CDH12: variants seen among roughly 807,000 people sequenced by gnomAD.
CDH12 encodes cadherin 12.
CDH12 carries 41 observed loss-of-function variants against 74.1 expected under a neutral mutation model. That is an observed-to-expected ratio of 0.55 (90% CI 0.43 to 0.72). The LOEUF (loss-of-function observed/expected upper bound fraction) is 0.72. Among genes scored for constraint, CDH12 ranks in the 30% least tolerant of loss-of-function variants. The pLI is 0.00. For missense variants in CDH12, 945 were observed against 977.2 expected (o/e 0.97, Z 0.44); for synonymous variants, 399 against 355.0 (o/e 1.12, Z -1.39).
intron 3 of CDH12, among the ~76,000 whole-genome samples, chr5:22,233,831 G>A (rs1299497653): frequency 6.6e-6 from 1 of 152,122 alleles, no homozygotes; most frequent in Non-Finnish European, 1.5e-5. Flanking sequence ...CACTAAATTG[G>A]TTGACACTTT....
intron 8 of CDH12, among the ~76,000 whole-genome samples, chr5:21,831,724 A>G (rs958117961): frequency 3.3e-5 from 5 of 151,446 alleles, no homozygotes; most frequent in Non-Finnish European, 7.4e-5. Flanking sequence ...GGGATTGTCA[A>G]AAGAGACAAT....
intron 2 of CDH12, among the ~76,000 whole-genome samples, chr5:22,481,134 T>A (rs1216394278): frequency 6.6e-6 from 1 of 152,194 alleles, no homozygotes; most frequent in Non-Finnish European, 1.5e-5. Flanking sequence ...GAGATACAAA[T>A]CAAAACAACA....
chr5:21,854,787 G>A lies in CDH12; in HGVS notation c.530C>T (p.Ala177Val). 1.2e-6 allele frequency: 2 copies of A among 1,607,622 alleles called. No homozygotes were observed. Among genetic ancestry groups the A allele is most frequent in the Non-Finnish European group, 1.7e-6 (2 of 1,176,660 alleles). The part of the protein sequence containing the change: ...ATVPEMSPVG[A>V]YVLQVKATDA... ...TGTGGCCTTGACCTGGAGTACATAT[G>A]CACCTGGAAAATAAGACAATATCAC... The change falls in exon 7 of 15, where the codon GCA (alanine) becomes GTA (valine). Residue 177 changes from alanine to valine, a missense_variant. Coordinates refer to ENST00000382254, the MANE Select transcript of CDH12 (RefSeq NM_004061.5).
intron 6 of CDH12, among the ~76,000 whole-genome samples, chr5:21,973,047 T>TAAAAA (rs746404771): frequency 7.7e-5 from 8 of 103,624 alleles, no homozygotes; most frequent in African/African-American, 2.6e-4. Flanking sequence ...CTACAAAAAG[T>TAAAAA]AAAAAAAAAA....
intron 1 of CDH12, among the ~76,000 whole-genome samples, chr5:22,593,329 TA>T (rs1270063983): frequency 6.6e-6 from 1 of 152,196 alleles, no homozygotes; most frequent in Non-Finnish European, 1.5e-5. Context: ...TAATATTTGC[TA>T]AAATTAATTC....
intron 10 of CDH12, among the ~76,000 whole-genome samples, chr5:21,798,594 G>T (rs1746929950): frequency 6.6e-6 from 1 of 152,034 alleles, no homozygotes; most frequent in African/African-American, 2.4e-5. Context: ...ATATGGATAG[G>T]CTTTGTGGGG....
chr5:22,652,180 T>C (rs557935627), intron 1 of CDH12, among the ~76,000 whole-genome samples: 243 of 152,212 alleles, frequency 1.6e-3, no homozygotes, highest in Middle Eastern at 6.8e-3. Flanking sequence ...AGTGTAACAG[T>C]GTAGTGAGGA....
chr5:21,896,794 A>G (rs1579927705), intron 6 of CDH12, among the ~76,000 whole-genome samples: 1 of 152,252 alleles, frequency 6.6e-6, no homozygotes, highest in East Asian at 1.9e-4. Flanking sequence ...GAGACTATAG[A>G]TTGACGAAGT....
chr5:22,122,059 T>C (rs1315342588), intron 4 of CDH12, among the ~76,000 whole-genome samples: 1 of 152,154 alleles, frequency 6.6e-6, no homozygotes, highest in Non-Finnish European at 1.5e-5. Context: ...GTCATGTTAG[T>C]TCTCTGCTCA....
intron 3 of CDH12, among the ~76,000 whole-genome samples, chr5:22,384,822 T>C (rs1049379705): frequency 7.2e-5 from 11 of 152,178 alleles, no homozygotes; most frequent in Admixed American, 4.6e-4. Context: ...TTTTTCTTTC[T>C]TAGCACAATA....
At chr5:22,175,984 G>A (rs183988432) in intron 4 of CDH12, among the ~76,000 whole-genome samples, 2 of 137,936 alleles carry the variant, frequency 1.4e-5, no homozygotes, top group Non-Finnish European at 3.2e-5. Flanking sequence ...ATCATTATAG[G>A]GCTGGTATCT....
chr5:22,342,628 CTATTTCTTTCTCTTTCTTA>C (rs1219185698), intron 3 of CDH12, among the ~76,000 whole-genome samples: 1,013 of 44,138 alleles, frequency 0.023, 10 homozygotes, highest in African/African-American at 0.078. Context: ...CTTTCCTTTT[CTATTTCTTTCTCTTTCTTA>C]TTTTTCTTTC....
chr5:22,664,903 C>T (rs1561561878), intron 1 of CDH12, among the ~76,000 whole-genome samples: 1 of 152,138 alleles, frequency 6.6e-6, no homozygotes, highest in East Asian at 1.9e-4. Flanking sequence ...AATGTCTCTG[C>T]TACATTGAAA....
intron 3 of CDH12, among the ~76,000 whole-genome samples, chr5:22,363,936 G>A (rs1740926876): frequency 6.6e-6 from 1 of 152,138 alleles, no homozygotes; most frequent in Non-Finnish European, 1.5e-5. Context: ...GGTTTTATTT[G>A]ATAGTTTTCA....
chr5:22,622,901 C>G (rs1396991997), intron 1 of CDH12, among the ~76,000 whole-genome samples: 1 of 152,118 alleles, frequency 6.6e-6, no homozygotes, highest in Non-Finnish European at 1.5e-5. Context: ...CCCTGATGAA[C>G]ATCGATGCAA....
chr5:22,568,518 T>C (rs1458770746), intron 1 of CDH12, among the ~76,000 whole-genome samples: 1 of 152,150 alleles, frequency 6.6e-6, no homozygotes, highest in Non-Finnish European at 1.5e-5. Context: ...CAAACACATC[T>C]GCACCCAAAT....
chr5:22,190,634 T>C lies in CDH12; in HGVS notation c.-187+21864A>G, dbSNP rs369484174. 2.6e-5 allele frequency among the ~76,000 whole-genome samples: 4 copies of C among 152,200 alleles called. No homozygotes were observed. In the East Asian group the frequency reaches 5.8e-4, roughly 22 times the overall value. ...GTTTGGCTGTGAGTTCCTCCTCTTA[T>C]CTCTACTCTTTCCAAATACTGTCCA... On this transcript the variant is annotated intron_variant, in intron 4 of 14. Transcript: ENST00000382254.
rs540339362 is a variant in CDH12, at chr5:22,728,491, A to C, written c.-523+124567T>G. Among the ~76,000 whole-genome samples, 6 of 151,978 alleles carry C rather than the reference A, an allele frequency of 3.9e-5. No individual in the cohort carries two copies. The South Asian group carries it at 1.2e-3, about 31-fold the overall frequency. ...TTCGTGCTGGATATTTCATTCATAAAACTCTGTAGTAATACCTTGAGGACT... is the reference window on the plus strand; with the variant it reads ...TTCGTGCTGGATATTTCATTCATAACACTCTGTAGTAATACCTTGAGGACT... On this transcript the variant is annotated intron_variant, in intron 1 of 14. Transcript: ENST00000382254.
At chr5:22,032,815 T>C (rs140556965) in intron 5 of CDH12, among the ~76,000 whole-genome samples, 3,771 of 146,758 alleles carry the variant, frequency 0.026, 65 homozygotes, top group Non-Finnish European at 0.037. Flanking sequence ...TGTGTATATA[T>C]ACACACACAC....
Sources: gnomAD v4.1 joint callset for allele counts (sites outside exome capture counted in the v4.1 genomes callset) on GRCh38, gnomAD v4.1.1 for gene constraint, MANE v1.5 for transcripts, NCBI Gene and HGNC (gene_info 2026-07-23, HGNC 2026-07-21) for gene names.